The following SND1 variants were observed in gnomAD, a reference collection of about 807,000 sequenced individuals.
SND1 encodes staphylococcal nuclease domain-containing protein 1.
SND1 carries 38 observed loss-of-function variants against 121.7 expected under a neutral mutation model. The ratio of observed to expected loss-of-function variants is 0.31; its 90% CI spans 0.24 to 0.41. SND1 has a LOEUF of 0.41. SND1 is among the 10% of genes least tolerant of loss of function. The pLI is 1.00. For synonymous variants in SND1, 401 were observed against 447.4 expected, an observed-to-expected ratio of 0.90 and a Z score of 1.31; for missense variants, 868 against 1,184.6, an observed-to-expected ratio of 0.73 and a Z score of 3.92.
chr7:127,720,940 T>C (rs1796483906), intron 9 of SND1, among the ~76,000 whole-genome samples: 1 of 152,202 alleles, frequency 6.6e-6, no homozygotes, highest in African/African-American at 2.4e-5. Flanking sequence ...GATTTTAGTT[T>C]AGAAGCTGTT....
rs368521428 is a variant in SND1 at position 128,091,827 on chromosome 7, G to A, written c.2623-10G>A. ...CTCTGACCACTCCCTTTCTTCTCTC[G>A]TCCCTCCAGATCACAGAATACCTGA... On this transcript the variant is annotated splice_polypyrimidine_tract_variant and intron_variant, in intron 22 of 23. Coordinates refer to ENST00000354725, the MANE Select transcript of SND1 (RefSeq NM_014390.4). The A allele has an allele frequency of 4.7e-5, 76 of 1,613,964 alleles. No individual in the cohort carries two copies. In the African/African-American group the frequency reaches 7.2e-4, roughly 15 times the overall value.
chr7:128,077,409 C>T (rs1793524484), intron 17 of SND1, among the ~76,000 whole-genome samples: 1 of 152,198 alleles, frequency 6.6e-6, no homozygotes, highest in Non-Finnish European at 1.5e-5. Context: ...GGCTCTTTCC[C>T]TCAGGGTGGC....
chr7:127,693,187 G>A (rs1030121318), intron 2 of SND1, among the ~76,000 whole-genome samples: 3 of 152,090 alleles, frequency 2.0e-5, no homozygotes, highest in Admixed American at 2.0e-4. Flanking sequence ...GTTCGGTGCT[G>A]TTTCTGTGAT....
intron 10 of SND1, among the ~76,000 whole-genome samples, chr7:127,791,436 A>T (rs1797908118): frequency 6.6e-6 from 1 of 152,190 alleles, no homozygotes; most frequent in African/African-American, 2.4e-5. Context: ...TAAAGGCATG[A>T]GCCACCATGC....
intron 10 of SND1, among the ~76,000 whole-genome samples, chr7:127,742,669 A>C (rs1796903703): frequency 6.6e-6 from 1 of 152,026 alleles, no homozygotes; most frequent in African/African-American, 2.4e-5. Context: ...GGAATGTTTT[A>C]ACTGTGTAGT....
intron 15 of SND1, among the ~76,000 whole-genome samples, chr7:127,963,100 G>A (rs1057341396): frequency 6.6e-6 from 1 of 152,126 alleles, no homozygotes; most frequent in African/African-American, 2.4e-5. Context: ...AAATCATTAT[G>A]TTCTGACCTG....
intron 15 of SND1, among the ~76,000 whole-genome samples, chr7:127,970,913 C>A (rs947271987): frequency 2.0e-4 from 30 of 151,960 alleles, no homozygotes; most frequent in Non-Finnish European, 3.2e-4. Context: ...AGTTTGAGAC[C>A]AGCCTGGGCA....
chr7:127,923,577 C>G (rs1281229503), intron 14 of SND1, among the ~76,000 whole-genome samples: 1 of 152,318 alleles, frequency 6.6e-6, no homozygotes. Context: ...TGCTGTATAA[C>G]TGGCTCTTCA....
At position 128,082,009 on chromosome 7, in the gene SND1, CA is replaced by C. The variant is rs773969374; in HGVS notation, c.2110+509del. 3 of 530,014 alleles carry C rather than the reference CA, an allele frequency of 5.7e-6. No homozygotes were observed. The African/African-American group carries it at 5.8e-5, about 10-fold the overall frequency. 32.8% of individuals were successfully genotyped at this position (530,014 alleles called of 1,614,324 possible). A position where few individuals can be genotyped will look rare whatever the true frequency, so the allele number is the denominator to read the frequency against. On this transcript the variant is annotated intron_variant, in intron 18 of 23. Coordinates refer to ENST00000354725, the MANE Select transcript of SND1 (RefSeq NM_014390.4). The stretch of plus-strand genomic sequence containing the variant: ...GAGTGATAGCCAGTTTCCATGGAAA[CA>C]GGCAGCGCTCTAGGGGAAGACATCC...
intron 1 of SND1, among the ~76,000 whole-genome samples, chr7:127,661,073 A>C (rs531870578): frequency 7.9e-4 from 120 of 152,248 alleles, no homozygotes; most frequent in African/African-American, 2.6e-3. Context: ...ATGATAAGTG[A>C]AATGTATGTA....
chr7:127,812,147 T>C (rs1382748297), intron 11 of SND1, among the ~76,000 whole-genome samples: 1 of 152,248 alleles, frequency 6.6e-6, no homozygotes, highest in Non-Finnish European at 1.5e-5. Flanking sequence ...TTAAAGACTT[T>C]TAGAAATGTT....
chr7:128,088,278 CTAA>C (rs1387454798), intron 21 of SND1, among the ~76,000 whole-genome samples: 10 of 83,998 alleles, frequency 1.2e-4, no homozygotes, highest in Non-Finnish European at 2.2e-4. Context: ...GACCCTGTCT[CTAA>C]AAAAAAAAAA....
Position 128,085,876 on chromosome 7 carries a change from C to A in SND1, c.2304+96C>A. The stretch of plus-strand genomic sequence containing the variant: ...CTCTCCAAGGTCCCTCTGAGCTTAC[C>A]AATAGAACAATGAGCATTGGGGCAT... On this transcript the variant is annotated intron_variant, in intron 20 of 23. Transcript: ENST00000354725. This position sits in a 1 kb window ranked among gnomAD's most constrained non-coding sequence, Gnocchi z 4.4. The A allele has an allele frequency of 1.9e-6, 2 of 1,050,576 alleles. No homozygotes were observed. The highest frequency in any genetic ancestry group is 2.9e-6 in the Non-Finnish European group (2 of 681,788). 65.1% of individuals were successfully genotyped at this position (1,050,576 alleles called of 1,614,324 possible). A position where few individuals can be genotyped will look rare whatever the true frequency, so the allele number is the denominator to read the frequency against.
chr7:127,776,155 A>C (rs1480445641), intron 10 of SND1, among the ~76,000 whole-genome samples: 1 of 152,212 alleles, frequency 6.6e-6, no homozygotes, highest in Non-Finnish European at 1.5e-5. Context: ...CAGTTTGTTG[A>C]GTGAAAAAAT....
rs555907409 is a variant in SND1, at chr7:127,723,998, G to A, written c.1152+2598G>A. On this transcript the variant is annotated intron_variant, in intron 10 of 23. Transcript: ENST00000354725. ...TTAATTCATCATAGCATATTTCAAG[G>A]ACTCAATAGGCACATGAGGCTAGTG... Among the ~76,000 whole-genome samples the A allele has an allele frequency of 8.8e-4, 134 of 152,226 alleles. 1 individual carries two copies. In the Middle Eastern group the frequency reaches 0.014, roughly 15 times the overall value.
chr7:127,699,322 A>G (rs964241063), intron 4 of SND1, among the ~76,000 whole-genome samples: 2 of 152,260 alleles, frequency 1.3e-5, no homozygotes, highest in Admixed American at 6.5e-5. Flanking sequence ...TATAGTGTGA[A>G]TAGACTTAGC....
At chr7:127,693,595 AC>A (rs1196899027) in intron 2 of SND1, among the ~76,000 whole-genome samples, 1 of 152,210 alleles carries the variant, frequency 6.6e-6, no homozygotes. Context: ...ATTAGCATGG[AC>A]CAAAAAGGTT....
At chr7:127,677,705 CTTTA>C (rs1009023944) in intron 1 of SND1, among the ~76,000 whole-genome samples, 1 of 152,220 alleles carries the variant, frequency 6.6e-6, no homozygotes, top group African/African-American at 2.4e-5. Flanking sequence ...TCCAATAAAA[CTTTA>C]TTTATGGACA....
At chr7:127,712,893 G>A (rs886948725) in intron 9 of SND1, among the ~76,000 whole-genome samples, 1 of 152,128 alleles carries the variant, frequency 6.6e-6, no homozygotes, top group African/African-American at 2.4e-5. Flanking sequence ...TCTCTAATAG[G>A]TTTATATTCA....
Sources: gnomAD v4.1 joint callset for allele counts (sites outside exome capture counted in the v4.1 genomes callset) on GRCh38, gnomAD v4.1.1 for gene constraint, Gnocchi (gnomAD v3.1) non-coding constraint, MANE v1.5 for transcripts, NCBI Gene and HGNC (gene_info 2026-07-23, HGNC 2026-07-21) for gene names.